Variants in PDE4B observed in about 807,000 individuals in gnomAD.
The protein encoded by PDE4B is 3',5'-cyclic-AMP phosphodiesterase 4B.
In PDE4B, 20 loss-of-function variants were observed where a neutral mutation model predicts 82.2. That is an observed-to-expected ratio of 0.24 (90% CI 0.17 to 0.35). The LOEUF (loss-of-function observed/expected upper bound fraction) is 0.35. PDE4B is among the 10% of genes least tolerant of loss of function. PDE4B has a pLI of 1.00. For synonymous variants in PDE4B, 320 were observed against 318.9 expected (o/e 1.00, Z -0.04); for missense variants, 655 against 907.2 (o/e 0.72, Z 3.57).
intron 1 of PDE4B, among the ~76,000 whole-genome samples, chr1:65,815,156 C>A (rs1041805044): frequency 6.6e-6 from 1 of 151,680 alleles, no homozygotes; most frequent in Non-Finnish European, 1.5e-5. Context: ...GCGCTGCACC[C>A]ACTAACTCGT....
At chr1:66,158,994 G>A (rs1010605025) in intron 3 of PDE4B, among the ~76,000 whole-genome samples, 1 of 152,184 alleles carries the variant, frequency 6.6e-6, no homozygotes, top group Admixed American at 6.5e-5. Context: ...CAAACTTACA[G>A]TTAGGAAGAA....
At chr1:65,885,863 TA>T (rs1340908080) in intron 1 of PDE4B, among the ~76,000 whole-genome samples, 1 of 142,400 alleles carries the variant, frequency 7.0e-6, no homozygotes, top group African/African-American at 2.7e-5. Flanking sequence ...CGTATAATAA[TA>T]ATAATAATAA....
At position 66,158,656 on chromosome 1, in the gene PDE4B, A is replaced by G. The variant is rs528377544; in HGVS notation, c.282-88804A>G. On this transcript the variant is annotated intron_variant, in intron 3 of 16. Transcript: ENST00000341517. ...TTGTCACTCCCATGTTTATTGCCGCATTATTCACAATAGCCAAAATACGGA... is the reference window on the plus strand; with the variant it reads ...TTGTCACTCCCATGTTTATTGCCGCGTTATTCACAATAGCCAAAATACGGA... 5.3e-5 allele frequency among the ~76,000 whole-genome samples: 8 copies of G among 152,360 alleles called. No individual in the cohort carries two copies. The South Asian group carries it at 1.2e-3, about 24-fold the overall frequency.
intron 3 of PDE4B, among the ~76,000 whole-genome samples, chr1:65,947,440 G>T (rs909974491): frequency 2.0e-5 from 3 of 151,944 alleles, no homozygotes; most frequent in African/African-American, 7.3e-5. Flanking sequence ...TTGGAGGGTG[G>T]CACTAATTTT....
intron 1 of PDE4B, among the ~76,000 whole-genome samples, chr1:65,863,301 A>G (rs1646475507): frequency 6.6e-6 from 1 of 152,090 alleles, no homozygotes; most frequent in Non-Finnish European, 1.5e-5. Flanking sequence ...GTTTCCATGT[A>G]GTTGTGCAGT....
intron 3 of PDE4B, among the ~76,000 whole-genome samples, chr1:66,064,218 A>G (rs1056534754): frequency 5.0e-4 from 76 of 151,964 alleles, no homozygotes; most frequent in Admixed American, 1.7e-3. Context: ...TTGTCAATGA[A>G]GGAATTACAG....
intron 3 of PDE4B, among the ~76,000 whole-genome samples, chr1:66,118,125 G>T (rs998359210): frequency 6.6e-6 from 1 of 152,088 alleles, no homozygotes; most frequent in Non-Finnish European, 1.5e-5. Flanking sequence ...AGAAGTGTCT[G>T]TTCATATCCT....
At chr1:65,934,047 A>C in intron 3 of PDE4B, among the ~76,000 whole-genome samples, 1 of 152,346 alleles carries the variant, frequency 6.6e-6, no homozygotes, top group Non-Finnish European at 1.5e-5. Context: ...TTTTAAATAA[A>C]TTATAAGATA....
intron 3 of PDE4B, among the ~76,000 whole-genome samples, chr1:66,134,909 C>T (rs988109114): frequency 4.6e-5 from 7 of 152,136 alleles, no homozygotes; most frequent in African/African-American, 7.2e-5. Flanking sequence ...AAAGATACAG[C>T]GTGAAGTCAT....
intron 1 of PDE4B, among the ~76,000 whole-genome samples, chr1:65,838,721 A>T (rs1646173775): frequency 6.6e-6 from 1 of 151,604 alleles, no homozygotes; most frequent in Non-Finnish European, 1.5e-5. Context: ...TAGCCCTGAA[A>T]GATGACTTGA....
intron 1 of PDE4B, among the ~76,000 whole-genome samples, chr1:65,843,738 C>A (rs1646236505): frequency 6.6e-6 from 1 of 151,934 alleles, no homozygotes; most frequent in Non-Finnish European, 1.5e-5. Context: ...TGTATCCAAA[C>A]ATATTATTCT....
intron 3 of PDE4B, among the ~76,000 whole-genome samples, chr1:66,036,346 T>G (rs953637848): frequency 6.6e-6 from 1 of 152,182 alleles, no homozygotes; most frequent in Non-Finnish European, 1.5e-5. Flanking sequence ...CATTTGTCTA[T>G]TTTTGCTTTT....
intron 3 of PDE4B, among the ~76,000 whole-genome samples, chr1:66,096,501 A>T (rs1271346822): frequency 3.6e-5 from 1 of 27,950 alleles, no homozygotes; most frequent in Admixed American, 5.7e-4. Context: ...GGTATAAGTA[A>T]AAAAAATTAT....
At chr1:65,852,289 A>AT (rs1220175773) in intron 1 of PDE4B, among the ~76,000 whole-genome samples, 1 of 151,860 alleles carries the variant, frequency 6.6e-6, no homozygotes, top group Non-Finnish European at 1.5e-5. Flanking sequence ...GATTGGCATT[A>AT]TTTTTTACTT....
chr1:66,309,613 C>G (rs887984860), intron 7 of PDE4B, among the ~76,000 whole-genome samples: 3 of 152,142 alleles, frequency 2.0e-5, no homozygotes, highest in Admixed American at 6.5e-5. Flanking sequence ...AATAAGTTTG[C>G]CTTTGGAATC....
intron 3 of PDE4B, among the ~76,000 whole-genome samples, chr1:66,094,997 C>A (rs1050451758): frequency 3.3e-5 from 5 of 151,884 alleles, no homozygotes; most frequent in African/African-American, 1.2e-4. Flanking sequence ...GAAACTGAGA[C>A]TGACTGGTTA....
intron 3 of PDE4B, among the ~76,000 whole-genome samples, chr1:65,939,856 TGAAA>T (rs988435257): frequency 6.6e-6 from 1 of 152,102 alleles, no homozygotes; most frequent in Admixed American, 6.6e-5. Context: ...GCCAGTGTGA[TGAAA>T]GAGAGACTAG....
chr1:66,288,495 T>A lies in PDE4B; in HGVS notation c.634+22408T>A, dbSNP rs570035659. Among the ~76,000 whole-genome samples the A allele has an allele frequency of 5.9e-5, 9 of 152,274 alleles. No homozygotes were observed. In the East Asian group the frequency reaches 1.7e-3, roughly 29 times the overall value. On this transcript the variant is annotated intron_variant, in intron 7 of 16. Coordinates refer to ENST00000341517, the MANE Select transcript of PDE4B (RefSeq NM_002600.4). ...TTAGACTAGGGCCTGGTACATAGTGTGTTCTATGAAAATAGTTTTAAAATG... is the reference window on the plus strand; with the variant it reads ...TTAGACTAGGGCCTGGTACATAGTGAGTTCTATGAAAATAGTTTTAAAATG...
intron 3 of PDE4B, among the ~76,000 whole-genome samples, chr1:66,201,832 G>A (rs1318935016): frequency 6.6e-6 from 1 of 151,972 alleles, no homozygotes; most frequent in Admixed American, 6.6e-5. Flanking sequence ...AGGGTTTTCT[G>A]TGTCTCTATT....
Sources: allele counts gnomAD v4.1 joint callset (sites outside exome capture counted in the v4.1 genomes callset), GRCh38; gene constraint gnomAD v4.1.1; transcripts MANE v1.5; gene names NCBI Gene and HGNC (gene_info 2026-07-23, HGNC 2026-07-21).